Variants in RALGDS observed in about 807,000 individuals in gnomAD.
The protein encoded by RALGDS is ral guanine nucleotide exchange factor.
A neutral mutation model predicts 99.8 loss-of-function variants in RALGDS; 44 were observed. The ratio of observed to expected loss-of-function variants is 0.44; its 90% CI spans 0.35 to 0.57. The LOEUF is 0.57. RALGDS is among the 20% of genes least tolerant of loss of function. The pLI is 0.01. For missense variants in RALGDS, 1,022 were observed against 1,203.1 expected (o/e 0.85, Z 2.23); for synonymous variants, 529 against 505.0 (o/e 1.05, Z -0.64).
chr9:133,131,811 G>A (rs1377436833), upstream of RALGDS, among the ~76,000 whole-genome samples: 1 of 152,218 alleles, frequency 6.6e-6, no homozygotes, highest in Non-Finnish European at 1.5e-5. Flanking sequence ...GGAACCCTGG[G>A]CCAATGATTT....
At chr9:133,100,799 A>G (rs1211686452) in intron 16 of RALGDS, 2 of 1,101,736 alleles carry the variant, frequency 1.8e-6, no homozygotes, top group Admixed American at 9.1e-5. Context: ...AGCATAGGCC[A>G]GGCCCCTGCT....
intron 9 of RALGDS, chr9:133,104,746 G>T: frequency 4.6e-6 from 1 of 218,388 alleles, no homozygotes; most frequent in South Asian, 6.1e-5. Context: ...CAGGAGGTGG[G>T]GATTGCAGTG....
At chr9:133,102,447 G>GC in intron 14 of RALGDS, 29 bp downstream of exon 14, 1 of 1,603,650 alleles carries the variant, frequency 6.2e-7, no homozygotes, top group African/African-American at 1.3e-5. Flanking sequence ...CAAGGCAGCT[G>GC]CCCCTACCAC....
intron 2 of RALGDS, 101 bp downstream of exon 2, chr9:133,111,941 A>G (rs1831363334): frequency 2.3e-6 from 2 of 888,020 alleles, no homozygotes; most frequent in Non-Finnish European, 1.8e-6. Flanking sequence ...AAGGGAGTGA[A>G]GGCCGTTTCC....
rs58697464 is a variant in RALGDS at position 133,145,806 on chromosome 9, G to A, written c.18+3157C>T. On this transcript the variant is annotated intron_variant, in intron 1 of 17. Coordinates refer to the RALGDS transcript ENST00000393160. The stretch of plus-strand genomic sequence containing the variant: ...ATGGTTCTAACGTCTACTTCCTGGG[G>A]ACATCACCACGCTAATGTGAGACAA... 8.5e-4 allele frequency among the ~76,000 whole-genome samples: 130 copies of A among 152,314 alleles called. 1 individual carries two copies. Among genetic ancestry groups the A allele is most frequent in the African/African-American group, 2.4e-3 (98 of 41,554 alleles).
upstream of RALGDS, among the ~76,000 whole-genome samples, chr9:133,132,428 C>A (rs1275425558): frequency 6.6e-6 from 1 of 152,210 alleles, no homozygotes; most frequent in African/African-American, 2.4e-5. Flanking sequence ...GTTCGGCTGC[C>A]ACTCCAGGTT....
In RALGDS at chr9:133,100,319, C is replaced by T. The variant is rs971033044; in HGVS notation, c.2518G>A (p.Glu840Lys). 6.2e-7 allele frequency: 1 copy of T among 1,614,214 alleles called. No homozygotes were observed. The highest frequency in any genetic ancestry group is 1.7e-5 in the Admixed American group (1 of 60,028). Residue 840 changes from glutamate to lysine, a missense_variant, in exon 17 of 18, where the codon GAG becomes AAG. By Grantham distance (56) the Glu-to-Lys change is moderately conservative (BLOSUM62 1). Transcript: ENST00000372050. ...RKAMDKHNLE[E>K]EEPEDYELLQ... ...AGCTCATAGTCCTCCGGCTCCTCCT[C>T]CTCCAGGTTGTGTTTGTCCATGGCC...
rs561888919 is a variant in RALGDS, at chr9:133,108,821, C to T, written c.630G>A (p.Glu210=). 3.7e-6 allele frequency: 6 copies of T among 1,613,130 alleles called. No individual in the cohort carries two copies. The highest frequency in any genetic ancestry group is 5.1e-6 in the Non-Finnish European group (6 of 1,179,958). Residue 210 remains glutamate, a synonymous_variant, in exon 5 of 18, where the codon GAG becomes GAA. Coordinates refer to ENST00000372050, the MANE Select transcript of RALGDS (RefSeq NM_006266.4). ...GAAAGTCCGGAGGTTGACAGAAATC[C>T]TCCGAGTACTGGTCCAGCCAGGTGC... ...ILGTWLDQYS[E]DFCQPPDFPC... is the part of the protein sequence containing the mutation.
intron 2 of RALGDS, among the ~76,000 whole-genome samples, 186 bp from the exon 3 acceptor site, chr9:133,110,675 C>A (rs1390151597): frequency 6.6e-6 from 1 of 151,936 alleles, no homozygotes; most frequent in African/African-American, 2.4e-5. Flanking sequence ...TCAGTCATCC[C>A]GGCACTTTGG....
chr9:133,109,784 G>T, intron 3 of RALGDS, 63 bp from the exon 4 acceptor site: 2 of 1,430,084 alleles, frequency 1.4e-6, no homozygotes, highest in Non-Finnish European at 2.0e-6. Flanking sequence ...CAGGAGGGCA[G>T]GGATTTTTTT....
chr9:133,128,853 G>A (rs565090156), intron 1 of RALGDS, among the ~76,000 whole-genome samples: 6 of 152,314 alleles, frequency 3.9e-5, no homozygotes, highest in South Asian at 2.1e-4. Context: ...CCCTCTGGAC[G>A]GAGCTGCCAG....
Position 133,108,285 on chromosome 9 carries a change from AGCT to A in RALGDS, c.897_899del (p.Ala300del). On this transcript the variant is annotated inframe_deletion, in exon 6 of 18. Transcript: ENST00000372050. ...GAGCTACTTCTAGCTCTGAACCTGG[AGCT>A]GGTGTTGGAGCTGGCTCTGGCTCCG... 1 of 1,562,910 alleles carries A rather than the reference AGCT, an allele frequency of 6.4e-7. No homozygotes were observed.
At chr9:133,116,537 T>TC (rs1222207787) in intron 1 of RALGDS, among the ~76,000 whole-genome samples, 10 of 152,196 alleles carry the variant, frequency 6.6e-5, no homozygotes, top group Admixed American at 6.5e-4. Flanking sequence ...AGGGTCCCTG[T>TC]CCACGCCCAG....
chr9:133,117,629 T>C (rs962969784), intron 1 of RALGDS, among the ~76,000 whole-genome samples: 2 of 152,252 alleles, frequency 1.3e-5, no homozygotes, highest in Non-Finnish European at 1.5e-5. Flanking sequence ...CATGCATCAG[T>C]GTCTGCCCCT....
At chr9:133,147,608 C>G (rs368187666) in intron 1 of RALGDS, among the ~76,000 whole-genome samples, 1 of 152,170 alleles carries the variant, frequency 6.6e-6, no homozygotes, top group African/African-American at 2.4e-5. Flanking sequence ...TGGGTAGAGG[C>G]CGGGGTCCCC....
intron 3 of RALGDS, among the ~76,000 whole-genome samples, chr9:133,110,000 C>T (rs1478586406): frequency 6.6e-6 from 1 of 152,164 alleles, no homozygotes; most frequent in African/African-American, 2.4e-5. Flanking sequence ...AGGCCACATA[C>T]AAGAGAGGCT....
At chr9:133,110,528 G>A in intron 2 of RALGDS, 39 bp from the exon 3 acceptor site, 7 of 1,552,800 alleles carry the variant, frequency 4.5e-6, no homozygotes, top group Non-Finnish European at 6.2e-6. Flanking sequence ...GTCAGTGGCA[G>A]CACACGAATC....
intron 1 of RALGDS, among the ~76,000 whole-genome samples, chr9:133,138,541 C>T (rs897599042): frequency 2.0e-5 from 3 of 152,224 alleles, no homozygotes; most frequent in Admixed American, 6.5e-5. Flanking sequence ...AGTTCCCAGC[C>T]ACCACAACCC....
intron 1 of RALGDS, among the ~76,000 whole-genome samples, chr9:133,128,417 C>T (rs1406870952): frequency 1.3e-5 from 2 of 151,630 alleles, no homozygotes; most frequent in African/African-American, 4.9e-5. Flanking sequence ...GCCCAGGGGC[C>T]CTGATCACAA....
Sources: allele counts gnomAD v4.1 joint callset (sites outside exome capture counted in the v4.1 genomes callset), GRCh38; gene constraint gnomAD v4.1.1; transcripts MANE v1.5; gene names NCBI Gene and HGNC (gene_info 2026-07-23, HGNC 2026-07-21).